Variants in FHOD3 observed in about 807,000 individuals in gnomAD.
FHOD3 encodes the protein formin homology 2 domain containing 3.
In FHOD3, 90 loss-of-function variants were observed where a neutral mutation model predicts 173.0. That is an observed-to-expected ratio of 0.52 (90% confidence interval 0.44 to 0.62). FHOD3 has a LOEUF of 0.62. Ranked by LOEUF, FHOD3 falls within the 20% of genes least tolerant of loss-of-function variation. The probability of loss-of-function intolerance (pLI) is 0.00; values close to 1 mark genes in which losing one functional copy is unlikely to be tolerated. For missense variants in FHOD3, 1,945 were observed against 2,034.7 expected (o/e 0.96, Z 0.85); for synonymous variants, 828 against 823.0 (o/e 1.01, Z -0.10).
At chr18:36,453,107 T>G (rs1003627655) in intron 3 of FHOD3, among the ~76,000 whole-genome samples, 3 of 152,090 alleles carry the variant, frequency 2.0e-5, no homozygotes, top group African/African-American at 4.8e-5. Context: ...AAATACAGAC[T>G]AGATACTAGA....
chr18:36,302,503 C>G (rs371136193), intron 1 of FHOD3, among the ~76,000 whole-genome samples: 2 of 152,174 alleles, frequency 1.3e-5, no homozygotes, highest in Non-Finnish European at 1.5e-5. Flanking sequence ...AGGTCAGGCT[C>G]TCAGTACATG....
chr18:36,402,124 G>A (rs1003107534), intron 3 of FHOD3, among the ~76,000 whole-genome samples: 4 of 152,284 alleles, frequency 2.6e-5, no homozygotes, highest in Admixed American at 2.6e-4. Flanking sequence ...AAAGAGTGGT[G>A]GCCTTTGGGG....
intron 3 of FHOD3, among the ~76,000 whole-genome samples, chr18:36,435,597 A>G (rs1159939796): frequency 1.3e-5 from 2 of 152,160 alleles, no homozygotes; most frequent in African/African-American, 4.8e-5. Flanking sequence ...GGCAAAGAAG[A>G]TACCTCAGAC....
At chr18:36,779,280 C>T in intron 28 of FHOD3, 168 bp from the exon 29 acceptor site, 1 of 613,742 alleles carries the variant, frequency 1.6e-6, no homozygotes, top group Non-Finnish European at 2.9e-6. Context: ...GGCAGACAGA[C>T]TGCAGGGCAC....
chr18:36,693,464 A>G, intron 17 of FHOD3, 41 bp downstream of exon 17: 1 of 1,565,808 alleles, frequency 6.4e-7, no homozygotes, highest in Non-Finnish European at 8.8e-7. Flanking sequence ...ACAGGTTAAC[A>G]TCAGACAGGC....
intron 4 of FHOD3, among the ~76,000 whole-genome samples, chr18:36,509,943 C>G (rs576956379): frequency 6.6e-6 from 1 of 152,132 alleles, no homozygotes; most frequent in South Asian, 2.1e-4. Flanking sequence ...CACACATGTG[C>G]GCAAAAACAG....
At chr18:36,453,302 A>G (rs975852202) in intron 3 of FHOD3, among the ~76,000 whole-genome samples, 21 of 152,214 alleles carry the variant, frequency 1.4e-4, no homozygotes, top group African/African-American at 5.1e-4. Context: ...AATTTACATG[A>G]CAGTTTTGGT....
intron 1 of FHOD3, among the ~76,000 whole-genome samples, chr18:36,342,790 T>C (rs2045687895): frequency 6.6e-6 from 1 of 152,218 alleles, no homozygotes; most frequent in Non-Finnish European, 1.5e-5. Flanking sequence ...AGAAGACTTG[T>C]ATTAGAATAA....
In FHOD3 at chr18:36,777,198, C is replaced by CTTT. The variant is rs11294880; in HGVS notation, c.4787-2230_4787-2228dup. On this transcript the variant is annotated intron_variant, in intron 28 of 28. Coordinates refer to ENST00000590592, the MANE Select transcript of FHOD3 (RefSeq NM_001281740.3). ...GCATGAACTACTTCTTCTTCTTTTT[C>CTTT]TTTTTTTTTTTTTTTTTTTTTTGAG... Among the ~76,000 whole-genome samples, 150 of 108,812 alleles carry CTTT rather than the reference C, an allele frequency of 1.4e-3. 3 individuals carry two copies. The highest frequency in any genetic ancestry group is 4.9e-3 in the Middle Eastern group (1 of 206). The allele number at this position is 108,812 out of a possible 152,430, so 71.4% of individuals were successfully genotyped here.
intron 3 of FHOD3, among the ~76,000 whole-genome samples, chr18:36,437,719 A>G (rs2050893919): frequency 7.2e-6 from 1 of 139,308 alleles, no homozygotes; most frequent in South Asian, 2.4e-4. Context: ...GCTGGAGTGC[A>G]GTGGCACGAT....
chr18:36,615,507 G>A (rs985081929), intron 9 of FHOD3, among the ~76,000 whole-genome samples: 4 of 152,126 alleles, frequency 2.6e-5, no homozygotes, highest in African/African-American at 9.7e-5. Context: ...CATGATGAGG[G>A]ACATAGTAGT....
intron 14 of FHOD3, among the ~76,000 whole-genome samples, chr18:36,674,889 A>G (rs1436327550): frequency 6.6e-6 from 1 of 152,178 alleles, no homozygotes; most frequent in African/African-American, 2.4e-5. Flanking sequence ...ATACTCTATG[A>G]TGCACACTGC....
At position 36,297,763 on chromosome 18, in the gene FHOD3, C is replaced by T; in HGVS notation, c.-73C>T. On this transcript the variant is annotated 5_prime_UTR_variant, in exon 1 of 29. Coordinates refer to ENST00000590592, the MANE Select transcript of FHOD3 (RefSeq NM_001281740.3). The stretch of plus-strand genomic sequence containing the variant: ...AGCTGCGGCTGCGGCCTCCCCTGCG[C>T]GCAGCTACCCGGGCGTCCCGGCCCG... 7.6e-7 allele frequency: 1 copy of T among 1,318,286 alleles called. No homozygotes were observed. Among genetic ancestry groups the T allele is most frequent in the Non-Finnish European group, 9.9e-7 (1 of 1,010,418 alleles). 81.7% of individuals were successfully genotyped at this position (1,318,286 alleles called of 1,614,324 possible).
chr18:36,380,578 T>TTTTCTTTTCCTTTCCTTTCCTTTCC (rs1555686575), intron 3 of FHOD3, among the ~76,000 whole-genome samples: 22 of 52,450 alleles, frequency 4.2e-4, no homozygotes, highest in African/African-American at 1.5e-3. Flanking sequence ...TTTTCTTTTC[T>TTTTCTTTTCCTTTCCTTTCCTTTCC]TTTCCTTTCC....
chr18:36,353,150 C>G (rs1360418153), intron 1 of FHOD3, among the ~76,000 whole-genome samples: 1 of 152,240 alleles, frequency 6.6e-6, no homozygotes, highest in East Asian at 1.9e-4. Context: ...TTTCTCAAAT[C>G]AGATGATCCA....
chr18:36,299,943 C>T (rs2091914971), intron 1 of FHOD3, among the ~76,000 whole-genome samples: 1 of 152,192 alleles, frequency 6.6e-6, no homozygotes, highest in Non-Finnish European at 1.5e-5. Context: ...GAAGTCAGGG[C>T]ATTTATGTGC....
intron 14 of FHOD3, among the ~76,000 whole-genome samples, chr18:36,675,846 A>G (rs1440282156): frequency 6.6e-6 from 1 of 152,226 alleles, no homozygotes. Context: ...TAAGCTGCTA[A>G]GAAGACATTA....
chr18:36,668,929 G>A (rs1380687893), intron 14 of FHOD3, among the ~76,000 whole-genome samples: 1 of 151,936 alleles, frequency 6.6e-6, no homozygotes, highest in East Asian at 1.9e-4. Context: ...AATATACTGT[G>A]TAAACTTGAA....
chr18:36,301,110 G>A (rs1319070158), intron 1 of FHOD3, among the ~76,000 whole-genome samples: 1 of 152,160 alleles, frequency 6.6e-6, no homozygotes, highest in East Asian at 1.9e-4. Flanking sequence ...GTGCAGTTGG[G>A]TGAATCTTCT....
Sources: gnomAD v4.1 joint callset for allele counts (sites outside exome capture counted in the v4.1 genomes callset) on GRCh38, gnomAD v4.1.1 for gene constraint, MANE v1.5 for transcripts, NCBI Gene and HGNC (gene_info 2026-07-23, HGNC 2026-07-21) for gene names.